Variants in SLC15A5 observed in about 807,000 individuals in gnomAD.
SLC15A5 encodes Peptide/histidine transporter ENSP00000340402.
SLC15A5 carries 58 observed loss-of-function variants against 56.1 expected under a neutral mutation model. The observed-to-expected ratio is 1.03, with a 90% confidence interval of 0.84 to 1.29. The LOEUF is 1.29. Among genes scored for constraint, SLC15A5 ranks in the 50% most tolerant of loss-of-function variants. The pLI, the probability that SLC15A5 is intolerant of heterozygous loss-of-function variation, is 0.00. For missense variants in SLC15A5, 681 were observed against 672.1 expected, an observed-to-expected ratio of 1.01 and a Z score of -0.15; for synonymous variants, 264 against 250.5, an observed-to-expected ratio of 1.05 and a Z score of -0.51.
chr12:16,209,096 C>G (rs1240653039), intron 7 of SLC15A5, among the ~76,000 whole-genome samples: 1 of 150,108 alleles, frequency 6.7e-6, no homozygotes, highest in Non-Finnish European at 1.5e-5. Context: ...TGAAATGACT[C>G]TTATTAAAGG....
intron 8 of SLC15A5, among the ~76,000 whole-genome samples, chr12:16,191,325 G>A (rs2136236122): frequency 6.6e-6 from 1 of 152,164 alleles, no homozygotes; most frequent in South Asian, 2.1e-4. Flanking sequence ...CTGTGGGGGT[G>A]TCTAGGGTGC....
At position 16,235,353 on chromosome 12, in the gene SLC15A5, T is replaced by G. The variant is rs555776559; in HGVS notation, c.1162+4328A>C. On this transcript the variant is annotated intron_variant, in intron 5 of 8. Coordinates refer to ENST00000344941, the MANE Select transcript of SLC15A5 (RefSeq NM_001170798.1). This position sits in a 1 kb window ranked among gnomAD's most constrained non-coding sequence, Gnocchi z 4.1. Reference sequence around the variant, plus strand: ...ATATGTACATATATATGACCTTCTATCTTTTGTTTCTCTGTAGACCATTGG... The same window carrying G: ...ATATGTACATATATATGACCTTCTAGCTTTTGTTTCTCTGTAGACCATTGG... Among the ~76,000 whole-genome samples the G allele has an allele frequency of 2.7e-4, 41 of 151,056 alleles. No homozygotes were observed. In the East Asian group the frequency reaches 7.4e-3, roughly 27 times the overall value.
chr12:16,246,363 T>C (rs1300176949), intron 3 of SLC15A5, among the ~76,000 whole-genome samples: 1 of 152,216 alleles, frequency 6.6e-6, no homozygotes, highest in African/African-American at 2.4e-5. Flanking sequence ...TATGAGACTT[T>C]CCTAGCTATT....
At chr12:16,230,887 C>T (rs528458866) in intron 5 of SLC15A5, among the ~76,000 whole-genome samples, 16 of 150,556 alleles carry the variant, frequency 1.1e-4, no homozygotes, top group East Asian at 3.9e-4. Context: ...CATGCCACTG[C>T]ACTCCAGCCT....
At chr12:16,214,944 C>G (rs1339670520) in intron 7 of SLC15A5, among the ~76,000 whole-genome samples, 1 of 151,920 alleles carries the variant, frequency 6.6e-6, no homozygotes, top group Admixed American at 6.6e-5. Flanking sequence ...GTGGCTCACG[C>G]CTGTAATCCC....
rs148624944 is a variant in SLC15A5, at chr12:16,240,725, A to G, written c.976-858T>C. 4.4e-3 allele frequency among the ~76,000 whole-genome samples: 676 copies of G among 152,320 alleles called. 5 individuals carry two copies. Among genetic ancestry groups the G allele is most frequent in the African/African-American group, 0.015 (628 of 41,568 alleles). On this transcript the variant is annotated intron_variant, in intron 4 of 8. Transcript: ENST00000344941. The stretch of plus-strand genomic sequence containing the variant: ...GGCAACCGAGTGTGATATCAGAACC[A>G]AGGGATGATGTCACATGAAAGAGGT...
intron 7 of SLC15A5, among the ~76,000 whole-genome samples, chr12:16,197,173 A>G (rs1315203419): frequency 1.3e-5 from 2 of 152,074 alleles, no homozygotes; most frequent in Non-Finnish European, 2.9e-5. Flanking sequence ...TCATTCTTAA[A>G]TATCATTTTT....
At chr12:16,208,104 G>C (rs975077098) in intron 7 of SLC15A5, among the ~76,000 whole-genome samples, 1 of 107,088 alleles carries the variant, frequency 9.3e-6, no homozygotes, top group Non-Finnish European at 2.1e-5. Flanking sequence ...AAACATGGGG[G>C]GTGCCACAGG....
At position 16,189,428 on chromosome 12, in the gene SLC15A5, A is replaced by T. The variant is rs1863818872; in HGVS notation, c.*240T>A. On this transcript the variant is annotated 3_prime_UTR_variant, in exon 9 of 9. Transcript: ENST00000344941. Reference sequence around the variant, plus strand: ...AGAAAACTGTCATTTTTTTTGTCATAGAGTAATCACTGAGACTTTGAAATT... The same window carrying T: ...AGAAAACTGTCATTTTTTTTGTCATTGAGTAATCACTGAGACTTTGAAATT... 1.0e-5 allele frequency: 3 copies of T among 289,530 alleles called. No individual in the cohort carries two copies. Among genetic ancestry groups the T allele is most frequent in the Admixed American group, 5.2e-5 (1 of 19,402 alleles). 17.9% of individuals were successfully genotyped at this position (289,530 alleles called of 1,614,324 possible). A position where few individuals can be genotyped will look rare whatever the true frequency, so the allele number is the denominator to read the frequency against.
chr12:16,275,562 A>AT (rs1294003454), intron 1 of SLC15A5, among the ~76,000 whole-genome samples: 1 of 151,974 alleles, frequency 6.6e-6, no homozygotes, highest in African/African-American at 2.4e-5. Context: ...AGAAAGCTGC[A>AT]TTTTTTCAGC....
chr12:16,265,442 T>A (rs1054346431), intron 2 of SLC15A5, among the ~76,000 whole-genome samples: 2 of 152,192 alleles, frequency 1.3e-5, no homozygotes, highest in Non-Finnish European at 2.9e-5. Flanking sequence ...TTTCCTTCAT[T>A]AAATACTTTC....
At chr12:16,263,333 G>A (rs1281491697) in intron 2 of SLC15A5, among the ~76,000 whole-genome samples, 2 of 152,110 alleles carry the variant, frequency 1.3e-5, no homozygotes, top group Non-Finnish European at 2.9e-5. Flanking sequence ...GTGGAACTTT[G>A]AACTTGAGAG....
intron 5 of SLC15A5, among the ~76,000 whole-genome samples, chr12:16,229,784 A>G (rs1213922757): frequency 6.6e-6 from 1 of 152,184 alleles, no homozygotes; most frequent in Non-Finnish European, 1.5e-5. Flanking sequence ...AGAATGGAAT[A>G]TAAGTTACTT....
At position 16,243,154 on chromosome 12, in the gene SLC15A5, T is replaced by C. The variant is rs996439396; in HGVS notation, c.975+1426A>G. ...AACAAAGAGCATGGCTATGTTCTGATAAAACTTCATTTATGGACGCTAAAA... is the reference window on the plus strand; with the variant it reads ...AACAAAGAGCATGGCTATGTTCTGACAAAACTTCATTTATGGACGCTAAAA... On this transcript the variant is annotated intron_variant, in intron 4 of 8. Coordinates refer to ENST00000344941, the MANE Select transcript of SLC15A5 (RefSeq NM_001170798.1). The surrounding 1 kb of genome is among the most constrained non-coding windows in gnomAD (Gnocchi z 4.4). Among the ~76,000 whole-genome samples the C allele has an allele frequency of 1.3e-5, 2 of 152,030 alleles. No individual in the cohort carries two copies. The highest frequency in any genetic ancestry group is 4.8e-5 in the African/African-American group (2 of 41,416).
intron 2 of SLC15A5, among the ~76,000 whole-genome samples, chr12:16,267,907 T>TA (rs79485675): frequency 0.85 from 83,007 of 97,364 alleles, 38,987 homozygotes; most frequent in Non-Finnish European, 0.93. Context: ...CCTGGGTAAT[T>TA]AAAAAAAAAT....
At chr12:16,225,964 A>G (rs989869282) in intron 5 of SLC15A5, among the ~76,000 whole-genome samples, 1 of 152,204 alleles carries the variant, frequency 6.6e-6, no homozygotes, top group Non-Finnish European at 1.5e-5. Flanking sequence ...ACCTCAGGCC[A>G]GTAATGTAAC....
intron 2 of SLC15A5, among the ~76,000 whole-genome samples, chr12:16,258,552 A>G (rs948694728): frequency 5.9e-5 from 9 of 152,326 alleles, no homozygotes; most frequent in African/African-American, 2.2e-4. Context: ...CTTAACTTTT[A>G]CTTAAAAAAT....
At chr12:16,248,391 G>A (rs1032392944) in intron 3 of SLC15A5, among the ~76,000 whole-genome samples, 8 of 152,060 alleles carry the variant, frequency 5.3e-5, no homozygotes, top group Non-Finnish European at 8.8e-5. Flanking sequence ...CTGCACATCC[G>A]TTAGGAAGTT....
At chr12:16,222,137 T>C (rs1228559990) in intron 6 of SLC15A5, among the ~76,000 whole-genome samples, 1 of 152,210 alleles carries the variant, frequency 6.6e-6, no homozygotes, top group East Asian at 1.9e-4. Context: ...TTGAATGCTG[T>C]CTATATACGG....
Sources: gnomAD v4.1 joint callset for allele counts (sites outside exome capture counted in the v4.1 genomes callset) on GRCh38, gnomAD v4.1.1 for gene constraint, Gnocchi (gnomAD v3.1) non-coding constraint, MANE v1.5 for transcripts, NCBI Gene and HGNC (gene_info 2026-07-23, HGNC 2026-07-21) for gene names.